CDKAL1: variants seen among roughly 807,000 people sequenced by gnomAD.
CDKAL1 encodes CDKAL1 threonylcarbamoyladenosine tRNA methylthiotransferase.
Under a neutral mutation model 68.2 loss-of-function variants are expected in CDKAL1, and 32 were observed. The ratio of observed to expected loss-of-function variants is 0.47; its 90% CI spans 0.35 to 0.63. CDKAL1 has a LOEUF of 0.63. CDKAL1 is among the 30% of genes least tolerant of loss of function. CDKAL1 has a pLI of 0.00. For synonymous variants in CDKAL1, 234 were observed against 244.3 expected, an observed-to-expected ratio of 0.96 and a Z score of 0.39; for missense variants, 606 against 696.7, an observed-to-expected ratio of 0.87 and a Z score of 1.47.
intron 4 of CDKAL1, among the ~76,000 whole-genome samples, chr6:20,553,727 C>CGGCCTCCGGAGTA (rs1561920975): frequency 6.6e-6 from 1 of 152,218 alleles, no homozygotes; most frequent in Admixed American, 6.5e-5. Context: ...TCTCCTGCCT[C>CGGCCTCCGGAGTA]GGCCTCCGGA....
intron 5 of CDKAL1, among the ~76,000 whole-genome samples, chr6:20,668,349 CTCTG>C (rs113469798): frequency 0.064 from 9,751 of 152,108 alleles, 996 homozygotes; most frequent in African/African-American, 0.22. Flanking sequence ...GAGATGGAGT[CTCTG>C]TCTGTTGCCC....
intron 13 of CDKAL1, among the ~76,000 whole-genome samples, chr6:21,150,456 G>A (rs543315600): frequency 2.0e-5 from 3 of 152,262 alleles, no homozygotes; most frequent in East Asian, 3.9e-4. Context: ...TATGAAGTTT[G>A]TTGTAATGAA....
At chr6:20,557,103 CATAA>C (rs1235278616) in intron 4 of CDKAL1, among the ~76,000 whole-genome samples, 13 of 147,428 alleles carry the variant, frequency 8.8e-5, no homozygotes, top group East Asian at 2.0e-4. Context: ...TAAATAAATA[CATAA>C]ATAAATAAAA....
At chr6:20,952,561 G>A (rs75277077) in intron 9 of CDKAL1, among the ~76,000 whole-genome samples, 309 of 152,304 alleles carry the variant, frequency 2.0e-3, no homozygotes, top group African/African-American at 6.7e-3. Context: ...AAGGGCACAC[G>A]GTAAGGGCCA....
At chr6:20,997,306 G>T (rs986363083) in intron 10 of CDKAL1, among the ~76,000 whole-genome samples, 1 of 152,148 alleles carries the variant, frequency 6.6e-6, no homozygotes. Flanking sequence ...AACTAAGAGT[G>T]CTGAGCAAGG....
intron 4 of CDKAL1, among the ~76,000 whole-genome samples, chr6:20,623,393 A>G (rs1280908459): frequency 1.3e-5 from 2 of 152,112 alleles, no homozygotes; most frequent in Non-Finnish European, 1.5e-5. Flanking sequence ...ACATTATTAT[A>G]TAACATAGTT....
chr6:20,594,203 A>T lies in CDKAL1; in HGVS notation c.286+45498A>T, dbSNP rs146513504. On this transcript the variant is annotated intron_variant, in intron 4 of 15. Transcript: ENST00000274695. ...GATGTCTATTAGGTCTGCTTGTTCC[A>T]GAGCTGAGTTCAAGTCCTGAATATC... Among the ~76,000 whole-genome samples the T allele has an allele frequency of 2.3e-3, 351 of 152,324 alleles. 1 individual carries two copies. Among genetic ancestry groups the T allele is most frequent in the Middle Eastern group, 6.8e-3 (2 of 294 alleles).
intron 9 of CDKAL1, among the ~76,000 whole-genome samples, chr6:20,911,042 T>C (rs1762444784): frequency 6.6e-6 from 1 of 152,260 alleles, no homozygotes; most frequent in South Asian, 2.1e-4. Context: ...AAAGCCACCC[T>C]GTTCGTAGTA....
chr6:20,542,965 G>T (rs753642477), intron 2 of CDKAL1, among the ~76,000 whole-genome samples: 1 of 152,152 alleles, frequency 6.6e-6, no homozygotes, highest in Non-Finnish European at 1.5e-5. Flanking sequence ...TAATTCTCAG[G>T]AGAGTCATCC....
intron 5 of CDKAL1, among the ~76,000 whole-genome samples, chr6:20,677,293 C>T (rs1455750248): frequency 6.6e-6 from 1 of 152,144 alleles, no homozygotes; most frequent in African/African-American, 2.4e-5. Flanking sequence ...TGGTCTTGAA[C>T]TCCCGGCCTC....
chr6:20,823,281 T>G (rs1191205034), intron 8 of CDKAL1, among the ~76,000 whole-genome samples: 2 of 152,174 alleles, frequency 1.3e-5, no homozygotes, highest in African/African-American at 4.8e-5. Flanking sequence ...ATTCATATGG[T>G]CCTTGTCATG....
intron 9 of CDKAL1, among the ~76,000 whole-genome samples, chr6:20,912,552 C>G (rs1762513437): frequency 1.3e-5 from 2 of 152,074 alleles, no homozygotes; most frequent in African/African-American, 4.8e-5. Context: ...TCAAAGACAC[C>G]TTGTAAAAGC....
intron 15 of CDKAL1, among the ~76,000 whole-genome samples, chr6:21,223,201 C>G (rs1779600249): frequency 6.6e-6 from 1 of 152,156 alleles, no homozygotes; most frequent in Admixed American, 6.5e-5. Flanking sequence ...ATGCAGTGCC[C>G]TTGCTCTTTC....
chr6:21,009,484 A>C (rs992685846), intron 11 of CDKAL1, among the ~76,000 whole-genome samples: 2 of 152,202 alleles, frequency 1.3e-5, no homozygotes, highest in East Asian at 3.8e-4. Context: ...ACTATGTGCT[A>C]CAGCAGTCCC....
intron 15 of CDKAL1, among the ~76,000 whole-genome samples, chr6:21,216,542 C>G (rs1779344824): frequency 6.6e-6 from 1 of 151,980 alleles, no homozygotes; most frequent in South Asian, 2.1e-4. Context: ...CCACATTGAC[C>G]AATCATTTTA....
At chr6:20,626,178 A>G (rs6917599) in intron 4 of CDKAL1, among the ~76,000 whole-genome samples, 73,446 of 151,952 alleles carry the variant, frequency 0.48, 17,918 homozygotes, top group East Asian at 0.64. Context: ...TTCCTTTATA[A>G]CTTCTTTTTT....
Position 20,844,100 on chromosome 6 carries a change from C to T in CDKAL1, c.639-1975C>T, listed in dbSNP as rs115451461. Among the ~76,000 whole-genome samples the T allele has an allele frequency of 6.7e-3, 1,015 of 152,170 alleles. 11 individuals carry two copies. Among genetic ancestry groups the T allele is most frequent in the African/African-American group, 0.023 (965 of 41,500 alleles). ...TGAAGTGACATGTTTTCACACAGAA[C>T]CAGCAGGAGGATGAAAAACAGAAAT... On this transcript the variant is annotated intron_variant, in intron 8 of 15. Coordinates refer to ENST00000274695, the MANE Select transcript of CDKAL1 (RefSeq NM_017774.3).
At chr6:20,944,655 A>G (rs1481433533) in intron 9 of CDKAL1, among the ~76,000 whole-genome samples, 7 of 152,170 alleles carry the variant, frequency 4.6e-5, no homozygotes. Flanking sequence ...TGTCCTTTTA[A>G]TTGTTTGTTA....
At chr6:20,798,548 T>C (rs1005942754) in intron 8 of CDKAL1, among the ~76,000 whole-genome samples, 40 of 151,776 alleles carry the variant, frequency 2.6e-4, no homozygotes, top group Non-Finnish European at 4.3e-4. Flanking sequence ...TTTAAGAAAA[T>C]GTGGCACATA....
Sources: allele counts gnomAD v4.1 joint callset (sites outside exome capture counted in the v4.1 genomes callset), GRCh38; gene constraint gnomAD v4.1.1; transcripts MANE v1.5; gene names NCBI Gene and HGNC (gene_info 2026-07-23, HGNC 2026-07-21).